TET1: variants seen among roughly 807,000 people sequenced by gnomAD.
TET1 encodes methylcytosine dioxygenase TET1.
A neutral mutation model predicts 148.7 loss-of-function variants in TET1; 13 were observed. That is an observed-to-expected ratio of 0.09 (90% CI 0.06 to 0.14). The LOEUF (loss-of-function observed/expected upper bound fraction) is 0.14, where lower values mean the gene tolerates loss of function less well. Among genes scored for constraint, TET1 ranks in the 10% least tolerant of loss-of-function variants. The probability of loss-of-function intolerance (pLI) is 1.00; values close to 1 mark genes in which losing one functional copy is unlikely to be tolerated. For missense variants in TET1, 2,182 were observed against 2,553.8 expected, an observed-to-expected ratio of 0.85 and a Z score of 3.14; for synonymous variants, 907 against 937.2, an observed-to-expected ratio of 0.97 and a Z score of 0.59.
At chr10:68,674,575 T>A (rs1176693371) in intron 8 of TET1, 1 of 540,230 alleles carries the variant, frequency 1.9e-6, no homozygotes, top group African/African-American at 1.9e-5. Context: ...TTCAGCTGAT[T>A]ACTGAAGATG....
At chr10:68,671,723 T>A (rs2055274569) in intron 7 of TET1, among the ~76,000 whole-genome samples, 2 of 152,210 alleles carry the variant, frequency 1.3e-5, no homozygotes, top group African/African-American at 4.8e-5. Flanking sequence ...TTCTGCTCCA[T>A]TTTTTTCTAT....
At position 68,676,697 on chromosome 10, in the gene TET1, G is replaced by C. The variant is rs1052476726; in HGVS notation, c.4824+3652G>C. 2.0e-5 allele frequency among the ~76,000 whole-genome samples: 3 copies of C among 152,124 alleles called. No individual in the cohort carries two copies. The East Asian group carries it at 5.8e-4, about 29-fold the overall frequency. On this transcript the variant is annotated intron_variant, in intron 8 of 11. Transcript: ENST00000373644. ...CCCAAAGTGCTGGGATTATAGATGT[G>C]AGCCACTGTGCCTGGCCCACATCAA...
In TET1 at chr10:68,640,877, G is replaced by A. The variant is rs556472929; in HGVS notation, c.1969-3821G>A. On this transcript the variant is annotated intron_variant, in intron 3 of 11. Transcript: ENST00000373644. ...ATATTATTTTTCTTACATCTCTTGTGTATGTATGTGACATGTAATATTTAT... is the reference window on the plus strand; with the variant it reads ...ATATTATTTTTCTTACATCTCTTGTATATGTATGTGACATGTAATATTTAT... 1.3e-4 allele frequency among the ~76,000 whole-genome samples: 20 copies of A among 151,386 alleles called. No individual in the cohort carries two copies. In the South Asian group the frequency reaches 2.9e-3, roughly 22 times the overall value.
intron 3 of TET1, among the ~76,000 whole-genome samples, chr10:68,636,084 G>A (rs1327059056): frequency 6.6e-6 from 1 of 152,148 alleles, no homozygotes; most frequent in Non-Finnish European, 1.5e-5. Flanking sequence ...TTTGAATAAG[G>A]AGGGAAATTG....
chr10:68,574,616 T>A (rs1272820731), intron 2 of TET1, among the ~76,000 whole-genome samples: 2 of 152,218 alleles, frequency 1.3e-5, no homozygotes, highest in Non-Finnish European at 2.9e-5. Context: ...TTTTTGGCAG[T>A]CACAGATTTA....
chr10:68,633,014 T>C (rs905977857), intron 3 of TET1, among the ~76,000 whole-genome samples: 4 of 151,806 alleles, frequency 2.6e-5, no homozygotes, highest in African/African-American at 9.7e-5. Context: ...TGAAACCCCG[T>C]CTCTACTAAA....
intron 2 of TET1, among the ~76,000 whole-genome samples, chr10:68,595,612 CTTTTTTTTTTTT>C (rs71470530): frequency 1.3e-5 from 1 of 76,516 alleles, no homozygotes; most frequent in Non-Finnish European, 2.5e-5. Flanking sequence ...CACACAGCTT[CTTTTTTTTTTTT>C]TTTTTTTTTT....
intron 3 of TET1, among the ~76,000 whole-genome samples, chr10:68,638,947 A>G (rs1262570528): frequency 6.6e-6 from 1 of 152,118 alleles, no homozygotes; most frequent in East Asian, 1.9e-4. Context: ...GAGAGGGCGT[A>G]GGAACTACTA....
chr10:68,613,747 G>GCCAA (rs2054249542), intron 3 of TET1, among the ~76,000 whole-genome samples: 1 of 152,146 alleles, frequency 6.6e-6, no homozygotes, highest in Non-Finnish European at 1.5e-5. Flanking sequence ...GACCAGCCTA[G>GCCAA]CCAACATGGT....
In TET1 at chr10:68,667,028, G is replaced by A. The variant is rs1589124438; in HGVS notation, c.4462-17G>A. 2 of 1,609,854 alleles carry A rather than the reference G, an allele frequency of 1.2e-6. No individual in the cohort carries two copies. Among genetic ancestry groups the A allele is most frequent in the Middle Eastern group, 3.4e-4 (2 of 5,832 alleles). ...GCATACTTGTCTTCCATAGATGAAT[G>A]TATTCTGTTTTTTCAGGTTTTAAGA... On this transcript the variant is annotated splice_polypyrimidine_tract_variant and intron_variant, in intron 6 of 11. Transcript: ENST00000373644.
intron 6 of TET1, among the ~76,000 whole-genome samples, chr10:68,665,818 C>G (rs1254688085): frequency 6.6e-6 from 1 of 152,028 alleles, no homozygotes; most frequent in Admixed American, 6.6e-5. Flanking sequence ...GGGGAAGGTC[C>G]TAAAGCCAAC....
chr10:68,561,375 C>G (rs984319151), intron 1 of TET1, among the ~76,000 whole-genome samples: 1 of 152,058 alleles, frequency 6.6e-6, no homozygotes, highest in Non-Finnish European at 1.5e-5. Flanking sequence ...GTGGTGCAGT[C>G]TTGCTAGGAG....
At chr10:68,588,099 G>A (rs1241793034) in intron 2 of TET1, among the ~76,000 whole-genome samples, 6 of 152,260 alleles carry the variant, frequency 3.9e-5, no homozygotes, top group Non-Finnish European at 7.4e-5. Context: ...CTGACCTCAC[G>A]TGATCCACCC....
At chr10:68,643,078 G>A (rs200909044) in intron 3 of TET1, among the ~76,000 whole-genome samples, 1 of 151,792 alleles carries the variant, frequency 6.6e-6, no homozygotes, top group East Asian at 1.9e-4. Flanking sequence ...GGGCAACATG[G>A]TGATATCCTG....
At chr10:68,562,164 A>G (rs1044952817) in intron 1 of TET1, among the ~76,000 whole-genome samples, 1 of 152,202 alleles carries the variant, frequency 6.6e-6, no homozygotes, top group Non-Finnish European at 1.5e-5. Context: ...GCTGTATAGC[A>G]GCAGCCCCAG....
chr10:68,670,040 T>G (rs1318471109), intron 7 of TET1, among the ~76,000 whole-genome samples: 2 of 152,204 alleles, frequency 1.3e-5, no homozygotes. Flanking sequence ...TGTTGTAGAC[T>G]TATTTCTTTC....
In TET1 at chr10:68,591,379, A is replaced by T. The variant is rs375284877; in HGVS notation, c.1915-9602A>T. On this transcript the variant is annotated intron_variant, in intron 2 of 11. Coordinates refer to ENST00000373644, the MANE Select transcript of TET1 (RefSeq NM_030625.3). ...CCACAGCCATTAAGCAGTGTCCTCGAACATAGCTGTTGTTCTGTATTCTAT... is the reference window on the plus strand; with the variant it reads ...CCACAGCCATTAAGCAGTGTCCTCGTACATAGCTGTTGTTCTGTATTCTAT... Among the ~76,000 whole-genome samples, 28 of 152,294 alleles carry T rather than the reference A, an allele frequency of 1.8e-4. 1 individual carries two copies. The East Asian group carries it at 3.3e-3, about 18-fold the overall frequency.
intron 3 of TET1, among the ~76,000 whole-genome samples, chr10:68,617,696 G>A (rs2054313578): frequency 6.6e-6 from 1 of 151,832 alleles, no homozygotes. Flanking sequence ...ATAGGCATGC[G>A]CCACCACGTC....
At position 68,691,796 on chromosome 10, in the gene TET1, C is replaced by A. The variant is rs1055672579; in HGVS notation, c.6393C>A (p.Pro2131=). The A allele has an allele frequency of 6.2e-7, 1 of 1,612,498 alleles. No individual in the cohort carries two copies. Among genetic ancestry groups the A allele is most frequent in the African/African-American group, 1.3e-5 (1 of 74,978 alleles). ...SPYALTHVAG[P]YNHWV ...ATGCTCTCACACACGTTGCGGGGCC[C>A]TATAACCATTGGGTCTGAAGGCTTT... The change falls in exon 12 of 12, where the codon CCC becomes CCA. Residue 2131 remains proline, a synonymous_variant. Coordinates refer to ENST00000373644, the MANE Select transcript of TET1 (RefSeq NM_030625.3). This position sits in a 1 kb window ranked among gnomAD's most constrained non-coding sequence, Gnocchi z 4.4.
Sources: allele counts gnomAD v4.1 joint callset (sites outside exome capture counted in the v4.1 genomes callset), GRCh38; gene constraint gnomAD v4.1.1; non-coding constraint Gnocchi (gnomAD v3.1); transcripts MANE v1.5; gene names NCBI Gene and HGNC (gene_info 2026-07-23, HGNC 2026-07-21).